IQCM: variants seen among roughly 807,000 people sequenced by gnomAD.
The protein encoded by IQCM is IQ domain-containing protein M.
IQCM carries 45 observed loss-of-function variants against 57.6 expected under a neutral mutation model. The observed-to-expected ratio is 0.78, with a 90% CI of 0.62 to 1.00. IQCM has a LOEUF of 1.00. Ranked by LOEUF, IQCM falls within the 50% of genes least tolerant of loss-of-function variation. The pLI, the probability that IQCM is intolerant of heterozygous loss-of-function variation, is 0.00. For missense variants in IQCM, 468 were observed against 511.6 expected (o/e 0.91, Z 0.82); for synonymous variants, 148 against 158.9 (o/e 0.93, Z 0.51).
chr4:149,453,212 AT>A (rs1440265656), intron 12 of IQCM, among the ~76,000 whole-genome samples: 9 of 151,742 alleles, frequency 5.9e-5, no homozygotes, highest in African/African-American at 2.2e-4. Flanking sequence ...TTTAAAATGG[AT>A]GATAGTCCTA....
chr4:149,812,023 C>T (rs1244529269), intron 2 of IQCM, among the ~76,000 whole-genome samples: 1 of 152,176 alleles, frequency 6.6e-6, no homozygotes, highest in Non-Finnish European at 1.5e-5. Flanking sequence ...TTGGTGGCCA[C>T]ATACTCAGCC....
rs115357684 is a variant in IQCM at position 149,456,395 on chromosome 4, G to T, written c.1229-22838C>A. Among the ~76,000 whole-genome samples the T allele has an allele frequency of 3.3e-3, 496 of 152,150 alleles. 4 individuals are homozygous for T. Among genetic ancestry groups the T allele is most frequent in the African/African-American group, 0.011 (474 of 41,542 alleles). ...AATTTTTTTAAATTTTGGAATATTT[G>T]CATATACAAAATGAGATATATTTGG... On this transcript the variant is annotated intron_variant, in intron 12 of 13. Transcript: ENST00000636793.
chr4:149,423,347 G>T (rs1251332722), intron 13 of IQCM, among the ~76,000 whole-genome samples: 1 of 151,984 alleles, frequency 6.6e-6, no homozygotes, highest in Non-Finnish European at 1.5e-5. Flanking sequence ...CTGCATGGGG[G>T]AAACCTCCGT....
At chr4:149,649,445 T>C (rs544080118) in intron 7 of IQCM, among the ~76,000 whole-genome samples, 1 of 152,294 alleles carries the variant, frequency 6.6e-6, no homozygotes, top group Non-Finnish European at 1.5e-5. Context: ...TTTCACTTCC[T>C]ATTCTGGATA....
intron 9 of IQCM, among the ~76,000 whole-genome samples, chr4:149,574,445 T>C (rs2149967953): frequency 6.6e-6 from 1 of 152,040 alleles, no homozygotes; most frequent in Middle Eastern, 3.4e-3. Context: ...CCTACTAATG[T>C]CACTCTAAGA....
chr4:149,750,003 A>G (rs1768281959), intron 2 of IQCM, among the ~76,000 whole-genome samples: 1 of 152,204 alleles, frequency 6.6e-6, no homozygotes, highest in African/African-American at 2.4e-5. Context: ...AGAAGTCCTA[A>G]AGCATTAGCA....
chr4:149,399,262 C>T (rs1732446439), intron 13 of IQCM, among the ~76,000 whole-genome samples: 1 of 152,016 alleles, frequency 6.6e-6, no homozygotes, highest in Non-Finnish European at 1.5e-5. Context: ...CACCACCCTA[C>T]TTAAAATAAT....
At chr4:149,645,068 T>C (rs1758523754) in intron 7 of IQCM, among the ~76,000 whole-genome samples, 1 of 152,224 alleles carries the variant, frequency 6.6e-6, no homozygotes, top group Admixed American at 6.5e-5. Flanking sequence ...TCTATAAGTT[T>C]ATAAAGGATT....
chr4:149,751,399 G>A (rs1197540277), intron 2 of IQCM, among the ~76,000 whole-genome samples: 5 of 152,282 alleles, frequency 3.3e-5, no homozygotes, highest in Non-Finnish European at 7.4e-5. Flanking sequence ...AGATGGGACT[G>A]GGTTCAAGCC....
At chr4:149,739,102 G>A (rs757438745) in intron 3 of IQCM, among the ~76,000 whole-genome samples, 10 of 152,042 alleles carry the variant, frequency 6.6e-5, no homozygotes, top group Admixed American at 2.6e-4. Context: ...ATTATTTTGC[G>A]GAAGTTGCCA....
intron 10 of IQCM, among the ~76,000 whole-genome samples, chr4:149,563,262 C>T (rs1035575941): frequency 2.0e-5 from 3 of 152,096 alleles, no homozygotes; most frequent in African/African-American, 7.2e-5. Flanking sequence ...AAAGAAGAAA[C>T]AACTTTAGTG....
chr4:149,681,225 T>C (rs1012943493), intron 7 of IQCM, among the ~76,000 whole-genome samples: 3 of 151,304 alleles, frequency 2.0e-5, no homozygotes, highest in African/African-American at 7.3e-5. Context: ...CTTCCACACA[T>C]GTATATTCAA....
chr4:149,605,933 C>A (rs1754737887), intron 8 of IQCM, among the ~76,000 whole-genome samples: 1 of 152,164 alleles, frequency 6.6e-6, no homozygotes, highest in African/African-American at 2.4e-5. Context: ...AGAAAAATTC[C>A]TTGAAACCCC....
At chr4:149,365,623 A>G (rs533425089) in intron 13 of IQCM, among the ~76,000 whole-genome samples, 2 of 152,300 alleles carry the variant, frequency 1.3e-5, no homozygotes, top group South Asian at 4.1e-4. Flanking sequence ...ATCAAGATTA[A>G]TATCACCAGT....
At chr4:149,763,522 G>A (rs1769737147) in intron 2 of IQCM, among the ~76,000 whole-genome samples, 1 of 152,078 alleles carries the variant, frequency 6.6e-6, no homozygotes, top group East Asian at 1.9e-4. Context: ...CTGTAAATTA[G>A]GATAAACTGG....
At chr4:149,371,350 A>G (rs552883618) in intron 13 of IQCM, among the ~76,000 whole-genome samples, 1 of 152,192 alleles carries the variant, frequency 6.6e-6, no homozygotes, top group South Asian at 2.1e-4. Flanking sequence ...GAAACAAATA[A>G]TAAAGATTTC....
intron 7 of IQCM, among the ~76,000 whole-genome samples, chr4:149,636,044 G>C (rs1022936508): frequency 6.6e-6 from 1 of 152,072 alleles, no homozygotes; most frequent in Non-Finnish European, 1.5e-5. Context: ...GTTTACTTTA[G>C]ACATAGAATG....
Position 149,432,750 on chromosome 4 carries a change from T to C in IQCM, c.1390+646A>G, listed in dbSNP as rs1165113656. On this transcript the variant is annotated intron_variant, in intron 13 of 13. Transcript: ENST00000636793. ...AAGCATATATAGGTTAAATTATTTG[T>C]ATTCAGAATATCTAAAGGATTCTCA... is the stretch of plus-strand genomic sequence containing the variant. 1.3e-5 allele frequency among the ~76,000 whole-genome samples: 2 copies of C among 152,014 alleles called. 1 individual carries two copies. The highest frequency in any genetic ancestry group is 3.9e-4 in the East Asian group (2 of 5,172).
chr4:149,711,132 A>G (rs939888652), intron 5 of IQCM: 3 of 152,158 alleles, frequency 2.0e-5, no homozygotes, highest in African/African-American at 7.2e-5. Context: ...CTTCATGAAA[A>G]TAAAAGTTTT....
Sources: allele counts gnomAD v4.1 joint callset (sites outside exome capture counted in the v4.1 genomes callset), GRCh38; gene constraint gnomAD v4.1.1; transcripts MANE v1.5; gene names NCBI Gene and HGNC (gene_info 2026-07-23, HGNC 2026-07-21).